CDH12: variants seen among roughly 807,000 people sequenced by gnomAD.
CDH12 encodes cadherin-12.
In CDH12, 41 loss-of-function variants were observed where a neutral mutation model predicts 74.1. The observed-to-expected ratio is 0.55, with a 90% CI of 0.43 to 0.72. The LOEUF (loss-of-function observed/expected upper bound fraction) is 0.72, where lower values mean the gene tolerates loss of function less well. Among genes scored for constraint, CDH12 ranks in the 30% least tolerant of loss-of-function variants. The pLI is 0.00. For missense variants in CDH12, 945 were observed against 977.2 expected, an observed-to-expected ratio of 0.97 and a Z score of 0.44; for synonymous variants, 399 against 355.0, an observed-to-expected ratio of 1.12 and a Z score of -1.39.
chr5:21,933,162 G>T (rs1414840641), intron 6 of CDH12, among the ~76,000 whole-genome samples: 1 of 151,994 alleles, frequency 6.6e-6, no homozygotes, highest in Non-Finnish European at 1.5e-5. Flanking sequence ...ATTTAAATCT[G>T]AAGCAGATAA....
intron 6 of CDH12, among the ~76,000 whole-genome samples, chr5:21,900,448 A>G (rs1753333357): frequency 6.6e-6 from 1 of 152,228 alleles, no homozygotes. Flanking sequence ...GCCAAAGGTT[A>G]TATCACATCA....
chr5:21,904,750 G>A (rs1753559147), intron 6 of CDH12, among the ~76,000 whole-genome samples: 1 of 151,704 alleles, frequency 6.6e-6, no homozygotes, highest in Non-Finnish European at 1.5e-5. Flanking sequence ...CTATACTCCA[G>A]CCTGAACCAA....
At chr5:22,163,745 T>C (rs1229325797) in intron 4 of CDH12, among the ~76,000 whole-genome samples, 2 of 152,188 alleles carry the variant, frequency 1.3e-5, no homozygotes, top group East Asian at 1.9e-4. Context: ...TGATCCAGTA[T>C]TGAGCTTATT....
At chr5:22,637,790 G>T (rs147627254) in intron 1 of CDH12, among the ~76,000 whole-genome samples, 1 of 152,046 alleles carries the variant, frequency 6.6e-6, no homozygotes, top group Non-Finnish European at 1.5e-5. Flanking sequence ...ATTCCTCTTT[G>T]GTCAGTTACT....
intron 4 of CDH12, among the ~76,000 whole-genome samples, chr5:22,114,709 T>C (rs1744992003): frequency 6.6e-6 from 1 of 152,198 alleles, no homozygotes; most frequent in African/African-American, 2.4e-5. Flanking sequence ...ATATATGGAA[T>C]CAGTGTGTAC....
At chr5:22,266,778 G>A (rs1246582007) in intron 3 of CDH12, among the ~76,000 whole-genome samples, 1 of 152,064 alleles carries the variant, frequency 6.6e-6, no homozygotes, top group Non-Finnish European at 1.5e-5. Flanking sequence ...AAAAGTAAAA[G>A]ATTCTTTTAC....
intron 2 of CDH12, among the ~76,000 whole-genome samples, chr5:22,427,953 G>T (rs902876609): frequency 1.3e-5 from 2 of 152,028 alleles, no homozygotes; most frequent in African/African-American, 4.8e-5. Flanking sequence ...AAAGTTGAAG[G>T]TTCTATTACT....
chr5:21,778,520 T>G (rs1304778006), intron 11 of CDH12, among the ~76,000 whole-genome samples: 11 of 136,360 alleles, frequency 8.1e-5, no homozygotes, highest in Non-Finnish European at 1.4e-4. Flanking sequence ...GAAAAATCTC[T>G]ATTTTTTTTT....
intron 9 of CDH12, among the ~76,000 whole-genome samples, chr5:21,809,613 A>C (rs1747636329): frequency 6.6e-6 from 1 of 152,164 alleles, no homozygotes; most frequent in Non-Finnish European, 1.5e-5. Context: ...TTTCTAAATT[A>C]TTTGCAAAAC....
At chr5:22,116,395 G>A (rs1745104004) in intron 4 of CDH12, among the ~76,000 whole-genome samples, 1 of 152,108 alleles carries the variant, frequency 6.6e-6, no homozygotes, top group Non-Finnish European at 1.5e-5. Context: ...CACGAGGTCA[G>A]GAGATAGAGA....
At chr5:22,788,154 A>C (rs1217777108) in intron 1 of CDH12, among the ~76,000 whole-genome samples, 5 of 152,058 alleles carry the variant, frequency 3.3e-5, no homozygotes, top group Non-Finnish European at 4.4e-5. Context: ...CCTGTATTTT[A>C]TTTTCTTTTC....
chr5:22,719,128 G>A (rs1234003392), intron 1 of CDH12, among the ~76,000 whole-genome samples: 1 of 152,134 alleles, frequency 6.6e-6, no homozygotes, highest in Non-Finnish European at 1.5e-5. Context: ...TGAAGTGAGG[G>A]CAGTCTTGTG....
At chr5:22,168,996 G>A (rs1748860265) in intron 4 of CDH12, among the ~76,000 whole-genome samples, 1 of 149,698 alleles carries the variant, frequency 6.7e-6, no homozygotes, top group South Asian at 2.1e-4. Flanking sequence ...TACACTAGAT[G>A]CATTTATCTT....
intron 1 of CDH12, among the ~76,000 whole-genome samples, chr5:22,778,246 G>C (rs1463943741): frequency 6.6e-6 from 1 of 152,150 alleles, no homozygotes; most frequent in Non-Finnish European, 1.5e-5. Flanking sequence ...AGGTGTTTCA[G>C]CCTTGTGGGC....
intron 8 of CDH12, among the ~76,000 whole-genome samples, chr5:21,820,158 G>T (rs1440153327): frequency 6.6e-6 from 1 of 151,776 alleles, no homozygotes. Context: ...AGATGAAAGA[G>T]CCCCCTTTCC....
chr5:22,846,917 G>A (rs905597690), intron 1 of CDH12, among the ~76,000 whole-genome samples: 2 of 149,962 alleles, frequency 1.3e-5, no homozygotes, highest in Non-Finnish European at 3.0e-5. Flanking sequence ...GTAAAATGTT[G>A]AGATTTGAGT....
At chr5:22,761,700 T>G (rs9885072) in intron 1 of CDH12, among the ~76,000 whole-genome samples, 127,326 of 152,160 alleles carry the variant, frequency 0.84, 53,335 homozygotes, top group Non-Finnish European at 0.86. Flanking sequence ...AAAAGCAATT[T>G]TTCTGTCAGT....
intron 1 of CDH12, among the ~76,000 whole-genome samples, chr5:22,529,980 CAG>C (rs2126701678): frequency 6.6e-6 from 1 of 152,186 alleles, no homozygotes; most frequent in South Asian, 2.1e-4. Flanking sequence ...AACAGCAAAA[CAG>C]AATATTAAAA....
chr5:22,707,705 C>G (rs1446452732), intron 1 of CDH12, among the ~76,000 whole-genome samples: 2 of 152,052 alleles, frequency 1.3e-5, no homozygotes, highest in African/African-American at 4.8e-5. Flanking sequence ...TACTCTGGCT[C>G]AAATCTGAAA....
Sources: gnomAD v4.1 joint callset for allele counts (sites outside exome capture counted in the v4.1 genomes callset) on GRCh38, gnomAD v4.1.1 for gene constraint, MANE v1.5 for transcripts, NCBI Gene and HGNC (gene_info 2026-07-23, HGNC 2026-07-21) for gene names.